ELMOD1: variants seen among roughly 807,000 people sequenced by gnomAD.
The protein encoded by ELMOD1 is ELMO domain containing 1.
ELMOD1 carries 21 observed loss-of-function variants against 46.7 expected under a neutral mutation model. The observed-to-expected ratio is 0.45, with a 90% confidence interval of 0.32 to 0.65. ELMOD1 has a LOEUF of 0.65. Ranked by LOEUF, ELMOD1 falls within the 30% of genes least tolerant of loss-of-function variation. ELMOD1 has a pLI of 0.04. For missense variants in ELMOD1, 348 were observed against 407.8 expected (o/e 0.85, Z 1.26); for synonymous variants, 122 against 138.2 (o/e 0.88, Z 0.82).
At chr11:107,618,470 C>T (rs764910040) in intron 2 of ELMOD1, among the ~76,000 whole-genome samples, 1 of 152,144 alleles carries the variant, frequency 6.6e-6, no homozygotes, top group Non-Finnish European at 1.5e-5. Context: ...AGCCCTGGTG[C>T]CATGTGTCTC....
At chr11:107,625,095 C>G (rs1293182564) in intron 2 of ELMOD1, among the ~76,000 whole-genome samples, 3 of 152,168 alleles carry the variant, frequency 2.0e-5, no homozygotes, top group African/African-American at 7.2e-5. Context: ...TTTCACATTT[C>G]CAGTTCATGT....
intron 1 of ELMOD1, among the ~76,000 whole-genome samples, chr11:107,616,168 G>A (rs1865860308): frequency 6.6e-6 from 1 of 151,662 alleles, no homozygotes; most frequent in Admixed American, 6.6e-5. Flanking sequence ...GCTAATTTTT[G>A]TATTTTTAGT....
chr11:107,628,159 G>C (rs1193400680), intron 2 of ELMOD1, among the ~76,000 whole-genome samples: 1 of 145,888 alleles, frequency 6.9e-6, no homozygotes, highest in African/African-American at 2.8e-5. Flanking sequence ...AAGCTGAGGG[G>C]TTTTTTTGTT....
Position 107,618,105 on chromosome 11 carries a change from T to C in ELMOD1, c.-85T>C, listed in dbSNP as rs1865890941. On this transcript the variant is annotated splice_region_variant and 5_prime_UTR_variant, in exon 2 of 12. Coordinates refer to ENST00000265840, the MANE Select transcript of ELMOD1 (RefSeq NM_018712.4). ...CCTAATATCTAATTTCTTCCCACAG[T>C]TGACACTTACTTTGACAAAGGCAAA... 7.0e-7 allele frequency: 1 copy of C among 1,431,024 alleles called. No homozygotes were observed. The highest frequency in any genetic ancestry group is 9.6e-7 in the Non-Finnish European group (1 of 1,037,422). 88.6% of individuals were successfully genotyped at this position (1,431,024 alleles called of 1,614,324 possible).
chr11:107,646,908 C>T (rs1482105807), intron 6 of ELMOD1, among the ~76,000 whole-genome samples: 3 of 151,886 alleles, frequency 2.0e-5, no homozygotes, highest in Non-Finnish European at 2.9e-5. Flanking sequence ...TTTTTGAGCG[C>T]ACCAAAGAGC....
At chr11:107,639,523 C>T (rs1308428730) in intron 6 of ELMOD1, among the ~76,000 whole-genome samples, 1 of 152,142 alleles carries the variant, frequency 6.6e-6, no homozygotes, top group Non-Finnish European at 1.5e-5. Flanking sequence ...GAGACAATCC[C>T]ATGATGACCT....
intron 5 of ELMOD1, among the ~76,000 whole-genome samples, chr11:107,635,035 TG>T (rs1182075849): frequency 2.0e-5 from 3 of 152,220 alleles, no homozygotes; most frequent in Non-Finnish European, 4.4e-5. Context: ...CTGTCTCCCC[TG>T]AGGAGGACAC....
At chr11:107,626,194 A>T (rs558294501) in intron 2 of ELMOD1, among the ~76,000 whole-genome samples, 1 of 152,206 alleles carries the variant, frequency 6.6e-6, no homozygotes, top group African/African-American at 2.4e-5. Flanking sequence ...AACTAAGCTT[A>T]TTGGTTTCCT....
intron 6 of ELMOD1, among the ~76,000 whole-genome samples, chr11:107,640,120 C>T (rs1410849360): frequency 6.6e-6 from 1 of 152,180 alleles, no homozygotes; most frequent in Admixed American, 6.5e-5. Flanking sequence ...TCTCCAGCCT[C>T]AGCCTCCTGA....
chr11:107,593,664 G>A (rs1408258346), intron 1 of ELMOD1, among the ~76,000 whole-genome samples: 1 of 152,018 alleles, frequency 6.6e-6, no homozygotes, highest in Non-Finnish European at 1.5e-5. Context: ...TAAAAAGGTG[G>A]GCTGCCCAGT....
intron 5 of ELMOD1, among the ~76,000 whole-genome samples, chr11:107,635,405 C>T (rs761207416): frequency 1.1e-4 from 17 of 152,158 alleles, no homozygotes; most frequent in Non-Finnish European, 2.2e-4. Flanking sequence ...ATACCATTGC[C>T]ATTTAGCTTT....
At chr11:107,629,429 A>G (rs558253286) in intron 2 of ELMOD1, among the ~76,000 whole-genome samples, 10 of 152,272 alleles carry the variant, frequency 6.6e-5, no homozygotes, top group Non-Finnish European at 1.5e-4. Context: ...GATGTACAGT[A>G]TAAAGAGAAA....
intron 10 of ELMOD1, among the ~76,000 whole-genome samples, chr11:107,655,690 A>T (rs1866617530): frequency 2.0e-5 from 3 of 146,776 alleles, no homozygotes; most frequent in Non-Finnish European, 3.0e-5. Context: ...GGCTATTTTT[A>T]TGGTTATTTC....
chr11:107,610,050 A>G (rs1289948807), intron 1 of ELMOD1, among the ~76,000 whole-genome samples: 3 of 152,328 alleles, frequency 2.0e-5, no homozygotes, highest in Admixed American at 2.0e-4. Flanking sequence ...ACAAGTATAT[A>G]TTAAGCAAGC....
chr11:107,610,762 T>C (rs1005055381), intron 1 of ELMOD1, among the ~76,000 whole-genome samples: 1 of 151,628 alleles, frequency 6.6e-6, no homozygotes, highest in Non-Finnish European at 1.5e-5. Context: ...CAGGCTGATG[T>C]GTAAAAACAC....
chr11:107,619,176 A>T (rs1453708064), intron 2 of ELMOD1, among the ~76,000 whole-genome samples: 1 of 152,118 alleles, frequency 6.6e-6, no homozygotes, highest in African/African-American at 2.4e-5. Flanking sequence ...TTTGTGTGGG[A>T]TTCACTGGGT....
At chr11:107,639,406 A>G (rs1201100042) in intron 6 of ELMOD1, among the ~76,000 whole-genome samples, 2 of 152,194 alleles carry the variant, frequency 1.3e-5, no homozygotes, top group Non-Finnish European at 2.9e-5. Flanking sequence ...AGACATTTCT[A>G]TTAAAAGTAT....
Position 107,635,585 on chromosome 11 carries a change from G to A in ELMOD1, c.291-51G>A, listed in dbSNP as rs1866215052. On this transcript the variant is annotated intron_variant, in intron 5 of 11. Coordinates refer to ENST00000265840, the MANE Select transcript of ELMOD1 (RefSeq NM_018712.4). ...ATACATCAAGTGAACAAATGCCAAAGTGAATGCCCTGTTCTTCCTTGTGTG... is the reference window on the plus strand; with the variant it reads ...ATACATCAAGTGAACAAATGCCAAAATGAATGCCCTGTTCTTCCTTGTGTG... 55 of 1,576,764 alleles carry A rather than the reference G, an allele frequency of 3.5e-5. 1 individual carries two copies. In the South Asian group the frequency reaches 6.3e-4, roughly 18 times the overall value.
intron 1 of ELMOD1, among the ~76,000 whole-genome samples, chr11:107,603,781 G>C (rs1449366892): frequency 6.6e-6 from 1 of 151,814 alleles, no homozygotes; most frequent in Non-Finnish European, 1.5e-5. Flanking sequence ...GGGAGGCTGA[G>C]GCAGGAGAAT....
Sources: allele counts gnomAD v4.1 joint callset (sites outside exome capture counted in the v4.1 genomes callset), GRCh38; gene constraint gnomAD v4.1.1; transcripts MANE v1.5; gene names NCBI Gene and HGNC (gene_info 2026-07-23, HGNC 2026-07-21).